Variants in TDG observed in about 807,000 individuals in gnomAD.
The protein encoded by TDG is G/T mismatch-specific thymine DNA glycosylase.
A neutral mutation model predicts 46.1 loss-of-function variants in TDG; 23 were observed. That is an observed-to-expected ratio of 0.50 (90% CI 0.36 to 0.71). The LOEUF (loss-of-function observed/expected upper bound fraction) is 0.71. TDG is among the 30% of genes least tolerant of loss of function. The pLI is 0.00. For missense variants in TDG, 304 were observed against 486.7 expected, an observed-to-expected ratio of 0.62 and a Z score of 3.53; for synonymous variants, 115 against 161.3, an observed-to-expected ratio of 0.71 and a Z score of 2.18.
At chr12:103,980,574 G>C (rs1484046670) in intron 3 of TDG, 1 of 259,390 alleles carries the variant, frequency 3.9e-6, no homozygotes, top group Non-Finnish European at 7.3e-6. Flanking sequence ...CTGGACATGG[G>C]CTCAGATTGA....
Position 103,976,902 on chromosome 12 carries a change from T to G in TDG, c.24-16T>G. On this transcript the variant is annotated splice_polypyrimidine_tract_variant and intron_variant, in intron 1 of 9. Transcript: ENST00000392872. The stretch of plus-strand genomic sequence containing the variant: ...GTAATTTTATCATTACATCTCATGC[T>G]TCATTATTCTTTCAGCTATTCCCTT... 6.2e-7 allele frequency: 1 copy of G among 1,611,784 alleles called. No individual in the cohort carries two copies. The highest frequency in any genetic ancestry group is 8.5e-7 in the Non-Finnish European group (1 of 1,179,534).
At chr12:103,966,839 G>A (rs1871058032) in intron 1 of TDG, among the ~76,000 whole-genome samples, 1 of 152,178 alleles carries the variant, frequency 6.6e-6, no homozygotes, top group Non-Finnish European at 1.5e-5. Context: ...GACTCTCAGT[G>A]GCTAATGGGA....
Position 103,982,626 on chromosome 12 carries a change from G to A in TDG, c.479-173G>A, listed in dbSNP as rs139896019. ...CAAACAATACAAAAATTAGCTGGGC[G>A]TGGTGGTGTGCATCTGGGGTTCCAG... On this transcript the variant is annotated intron_variant, in intron 4 of 9. Transcript: ENST00000392872. 1.5e-3 allele frequency among the ~76,000 whole-genome samples: 227 copies of A among 152,100 alleles called. 3 individuals carry two copies. The highest frequency in any genetic ancestry group is 2.7e-3 in the South Asian group (13 of 4,808).
chr12:103,965,894 A>C lies in TDG; in HGVS notation c.-144A>C. On this transcript the variant is annotated 5_prime_UTR_variant, in exon 1 of 10. Coordinates refer to ENST00000392872, the MANE Select transcript of TDG (RefSeq NM_003211.6). ...GGTAGAAGCCTGGAGGAGGAGCTTG[A>C]GTCCAGCCACTGTCTGGGTACTGCC... 7.7e-7 allele frequency: 1 copy of C among 1,298,862 alleles called. No individual in the cohort carries two copies. Among genetic ancestry groups the C allele is most frequent in the Non-Finnish European group, 1.0e-6 (1 of 955,342 alleles). The allele number at this position is 1,298,862 out of a possible 1,614,324, so 80.5% of individuals were successfully genotyped here.
chr12:103,984,984 C>CAT (rs4135121), intron 8 of TDG, 64 bp downstream of exon 8: 168,130 of 1,258,166 alleles, frequency 0.13, 15,266 homozygotes, highest in East Asian at 0.47. Context: ...TATATACTTA[C>CAT]ATATATATAC....
At chr12:103,975,636 G>T (rs1214015416) in intron 1 of TDG, among the ~76,000 whole-genome samples, 1 of 151,868 alleles carries the variant, frequency 6.6e-6, no homozygotes, top group Non-Finnish European at 1.5e-5. Flanking sequence ...ACTCCTGAAG[G>T]CAGAGCCCTC....
intron 1 of TDG, 39 bp from the exon 2 acceptor site, chr12:103,976,879 A>AATTTTATC: frequency 1.9e-6 from 3 of 1,607,980 alleles, no homozygotes; most frequent in Non-Finnish European, 2.5e-6. Flanking sequence ...ACATTTGGGT[A>AATTTTATC]ATTTTATCAT....
chr12:103,972,236 A>G (rs931382237), intron 1 of TDG, among the ~76,000 whole-genome samples: 5 of 152,110 alleles, frequency 3.3e-5, no homozygotes, highest in Admixed American at 2.0e-4. Context: ...CTCCTGCCTC[A>G]GCCTTCCCTG....
chr12:103,984,310 G>T (rs1254615562), intron 7 of TDG, among the ~76,000 whole-genome samples: 2 of 152,036 alleles, frequency 1.3e-5, no homozygotes, highest in African/African-American at 4.8e-5. Context: ...ATGCCATTTG[G>T]AGGCCGGGCG....
Position 103,976,964 on chromosome 12 carries a change from C to G in TDG, c.70C>G (p.Gln24Glu), listed in dbSNP as rs1474267643. 1 of 1,613,930 alleles carries G rather than the reference C, an allele frequency of 6.2e-7. No individual in the cohort carries two copies. The highest frequency in any genetic ancestry group is 8.5e-7 in the Non-Finnish European group (1 of 1,180,014). Residue 24 changes from glutamine to glutamate, a missense_variant, in exon 2 of 10, where the codon CAA becomes GAA. Gln to Glu is a conservative substitution (Grantham distance 29). Transcript: ENST00000392872. ...AGCTTTTTATACGTTTCCATTTCAA[C>G]AACTGATGGCTGAAGCTCCTAATAT... ...AQAFYTFPFQ[Q>E]LMAEAPNMAV... is the part of the protein sequence containing the mutation.
chr12:103,979,286 A>G (rs1871698843), intron 2 of TDG, among the ~76,000 whole-genome samples: 1 of 151,478 alleles, frequency 6.6e-6, no homozygotes, highest in Non-Finnish European at 1.5e-5. Context: ...TATTTTTAGT[A>G]AAGACGGGGG....
At chr12:103,966,205 G>C in intron 1 of TDG, 145 bp downstream of exon 1, 1 of 1,126,446 alleles carries the variant, frequency 8.9e-7, no homozygotes, top group Non-Finnish European at 1.2e-6. Flanking sequence ...TGGCCTGGTC[G>C]GCCTTTCCTT....
intron 4 of TDG, among the ~76,000 whole-genome samples, chr12:103,982,486 T>C (rs541758021): frequency 6.6e-6 from 1 of 152,142 alleles, no homozygotes; most frequent in South Asian, 2.1e-4. Flanking sequence ...GATGATTAAA[T>C]CCAAGCGCTG....
chr12:103,985,151 C>G (rs201113834), intron 8 of TDG, among the ~76,000 whole-genome samples: 1 of 105,358 alleles, frequency 9.5e-6, no homozygotes, highest in Non-Finnish European at 2.0e-5. Context: ...ATGTGTGTGT[C>G]TATATATAGA....
intron 1 of TDG, among the ~76,000 whole-genome samples, chr12:103,973,371 C>G (rs1593509450): frequency 6.6e-6 from 1 of 152,170 alleles, no homozygotes; most frequent in East Asian, 1.9e-4. Context: ...AGGCGTGAGC[C>G]ACTGCACCCA....
chr12:103,979,028 C>T (rs1453951043), intron 2 of TDG, among the ~76,000 whole-genome samples: 1 of 152,044 alleles, frequency 6.6e-6, no homozygotes, highest in Admixed American at 6.6e-5. Flanking sequence ...CTAAATTCCC[C>T]TCTTCAACTA....
In TDG at chr12:103,976,957, A is replaced by G. The variant is rs762088823; in HGVS notation, c.63A>G (p.Pro21=). Residue 21 remains proline (P), a synonymous_variant, in exon 2 of 10, where the codon CCA becomes CCG. Transcript: ENST00000392872. ...AAGCTCAAGCTTTTTATACGTTTCCATTTCAACAACTGATGGCTGAAGCTC... is the reference window on the plus strand; with the variant it reads ...AAGCTCAAGCTTTTTATACGTTTCCGTTTCAACAACTGATGGCTGAAGCTC... ...LQQAQAFYTF[P]FQQLMAEAPN... The G allele has an allele frequency of 9.9e-6, 16 of 1,613,912 alleles. No individual in the cohort carries two copies. In the Admixed American group the frequency reaches 1.3e-4, roughly 13 times the overall value.
chr12:103,980,777 T>G, intron 3 of TDG, 116 bp from the exon 4 acceptor site: 1 of 789,562 alleles, frequency 1.3e-6, no homozygotes, highest in South Asian at 1.8e-5. Flanking sequence ...TTGCTTATGA[T>G]GCTGAATTAA....
intron 1 of TDG, among the ~76,000 whole-genome samples, chr12:103,972,353 G>A (rs1203674994): frequency 6.6e-6 from 1 of 152,130 alleles, no homozygotes; most frequent in African/African-American, 2.4e-5. Context: ...TCCTAACCTC[G>A]TGATCCAACC....
Sources: gnomAD v4.1 joint callset for allele counts (sites outside exome capture counted in the v4.1 genomes callset) on GRCh38, gnomAD v4.1.1 for gene constraint, MANE v1.5 for transcripts, NCBI Gene and HGNC (gene_info 2026-07-23, HGNC 2026-07-21) for gene names.